The following BMPER variants were observed in gnomAD, a reference collection of about 807,000 sequenced individuals.
The protein encoded by BMPER is BMP-binding endothelial regulator protein.
A neutral mutation model predicts 87.3 loss-of-function variants in BMPER; 45 were observed. That is an observed-to-expected ratio of 0.52 (90% CI 0.41 to 0.66). The LOEUF is 0.66. BMPER is among the 30% of genes least tolerant of loss of function. The probability of loss-of-function intolerance (pLI) is 0.00; values close to 1 mark genes in which losing one functional copy is unlikely to be tolerated. For missense variants in BMPER, 784 were observed against 867.5 expected (o/e 0.90, Z 1.21); for synonymous variants, 326 against 316.2 (o/e 1.03, Z -0.33).
In BMPER at chr7:34,077,005, G is replaced by T. The variant is rs920112240; in HGVS notation, c.1079-1852G>T. On this transcript the variant is annotated intron_variant, in intron 11 of 14. Coordinates refer to ENST00000649409, the MANE Select transcript of BMPER (RefSeq NM_001365308.1). ...CTGGAAAAGTCCTTCTCTTCAACTG[G>T]GTGCATCTGGTCATCAGGTTACTAT... Among the ~76,000 whole-genome samples, 28 of 152,090 alleles carry T rather than the reference G, an allele frequency of 1.8e-4. 1 individual carries two copies. The highest frequency in any genetic ancestry group is 6.8e-4 in the African/African-American group (28 of 41,424).
intron 13 of BMPER, among the ~76,000 whole-genome samples, chr7:34,113,752 T>C (rs2127987007): frequency 6.6e-6 from 1 of 152,274 alleles, no homozygotes; most frequent in South Asian, 2.1e-4. Flanking sequence ...CCCATAGTTA[T>C]CAAAGTGGTA....
chr7:34,129,928 C>T (rs1023392965), intron 13 of BMPER, among the ~76,000 whole-genome samples: 3 of 152,174 alleles, frequency 2.0e-5, no homozygotes, highest in Non-Finnish European at 4.4e-5. Context: ...CTAGAGGTTA[C>T]CTCTCCCTAT....
intron 3 of BMPER, among the ~76,000 whole-genome samples, chr7:33,946,665 G>A (rs1334540796): frequency 6.6e-6 from 1 of 152,164 alleles, no homozygotes; most frequent in East Asian, 1.9e-4. Context: ...GAGGAGTAGA[G>A]GGGTCACACA....
At position 34,110,281 on chromosome 7, in the gene BMPER, CT is replaced by C. The variant is rs1789925512; in HGVS notation, c.1745+24191del. On this transcript the variant is annotated intron_variant, in intron 13 of 14. Coordinates refer to ENST00000649409, the MANE Select transcript of BMPER (RefSeq NM_001365308.1). ...ATCCCAAGCCAGCATGTTCCAACAACTTCCCTGCAGTCTGCTCCTTCCCCAC... is the reference window on the plus strand; with the variant it reads ...ATCCCAAGCCAGCATGTTCCAACAACTCCCTGCAGTCTGCTCCTTCCCCAC... Among the ~76,000 whole-genome samples the C allele has an allele frequency of 2.0e-5, 3 of 152,328 alleles. 1 individual carries two copies. Among genetic ancestry groups the C allele is most frequent in the Admixed American group, 2.0e-4 (3 of 15,306 alleles).
intron 6 of BMPER, among the ~76,000 whole-genome samples, chr7:33,983,289 G>T (rs1037893094): frequency 1.2e-4 from 18 of 151,958 alleles, no homozygotes; most frequent in African/African-American, 3.9e-4. Flanking sequence ...TATATAATTT[G>T]TTTGTAGCTG....
intron 10 of BMPER, among the ~76,000 whole-genome samples, chr7:34,059,132 A>C (rs1445123931): frequency 6.6e-6 from 1 of 152,224 alleles, no homozygotes; most frequent in African/African-American, 2.4e-5. Context: ...AGACTTGAAC[A>C]TGGTCTGCTT....
chr7:34,039,270 A>G (rs2127954785), intron 6 of BMPER, among the ~76,000 whole-genome samples: 1 of 152,338 alleles, frequency 6.6e-6, no homozygotes, highest in South Asian at 2.1e-4. Flanking sequence ...GGCAAAGCAC[A>G]GTGCCTTGGA....
chr7:34,040,096 A>T (rs1242591038), intron 6 of BMPER, among the ~76,000 whole-genome samples: 1 of 151,918 alleles, frequency 6.6e-6, no homozygotes, highest in Non-Finnish European at 1.5e-5. Flanking sequence ...GGCTATGTGG[A>T]GCTGAAATTC....
At chr7:34,142,938 A>G (rs991636111) in intron 13 of BMPER, among the ~76,000 whole-genome samples, 2 of 152,238 alleles carry the variant, frequency 1.3e-5, no homozygotes, top group African/African-American at 2.4e-5. Context: ...CTCAGTAGCC[A>G]AATATGGAGA....
At chr7:33,921,898 C>CG (rs1259356974) in intron 2 of BMPER, 1 of 465,964 alleles carries the variant, frequency 2.1e-6, no homozygotes, top group Non-Finnish European at 4.5e-6. Flanking sequence ...CCAGGTGAAG[C>CG]GGGATCCAGC....
chr7:33,943,422 C>T (rs1784812978), intron 3 of BMPER, among the ~76,000 whole-genome samples: 1 of 152,138 alleles, frequency 6.6e-6, no homozygotes, highest in Non-Finnish European at 1.5e-5. Flanking sequence ...TGTATGGATT[C>T]CATAGTATAG....
At position 33,936,481 on chromosome 7, in the gene BMPER, G is replaced by C. The variant is rs557341360; in HGVS notation, c.220-808G>C. 1.1e-4 allele frequency among the ~76,000 whole-genome samples: 17 copies of C among 152,312 alleles called. No homozygotes were observed. In the South Asian group the frequency reaches 3.5e-3, roughly 32 times the overall value. ...TACTGACCACACAGAATTTTAGTGA[G>C]AATGAAAGCCACATCAGCTAGCATG... On this transcript the variant is annotated intron_variant, in intron 2 of 14. Transcript: ENST00000649409.
At chr7:34,093,598 A>T (rs772337702) in intron 13 of BMPER, among the ~76,000 whole-genome samples, 1 of 152,168 alleles carries the variant, frequency 6.6e-6, no homozygotes, top group Non-Finnish European at 1.5e-5. Flanking sequence ...GGGCAAGGTT[A>T]ATTCTTTACT....
Position 34,059,169 on chromosome 7 carries a change from T to C in BMPER, c.1032+1006T>C, listed in dbSNP as rs150291504. ...TAAATATTCATTGGGAAAAATGGGATCACATCATTATGCCAGTCCTCCGGG... is the reference window on the plus strand; with the variant it reads ...TAAATATTCATTGGGAAAAATGGGACCACATCATTATGCCAGTCCTCCGGG... On this transcript the variant is annotated intron_variant, in intron 10 of 14. Transcript: ENST00000649409. 6.7e-3 allele frequency among the ~76,000 whole-genome samples: 1,025 copies of C among 152,274 alleles called. 11 individuals carry two copies. The highest frequency in any genetic ancestry group is 0.024 in the African/African-American group (988 of 41,552).
At chr7:34,020,642 A>T (rs917313456) in intron 6 of BMPER, among the ~76,000 whole-genome samples, 5 of 151,966 alleles carry the variant, frequency 3.3e-5, no homozygotes, top group Admixed American at 6.6e-5. Context: ...AATAAAACAT[A>T]GGAGTAAAAG....
chr7:34,083,903 C>T (rs1488676989), intron 12 of BMPER, among the ~76,000 whole-genome samples: 5 of 147,516 alleles, frequency 3.4e-5, no homozygotes, highest in African/African-American at 1.0e-4. Context: ...CTTTCAGGAA[C>T]AAAAAGCCTT....
chr7:33,907,040 A>G, intron 2 of BMPER, 137 bp downstream of exon 2: 1 of 824,560 alleles, frequency 1.2e-6, no homozygotes, highest in Non-Finnish European at 2.0e-6. Flanking sequence ...ATAGTTTGTG[A>G]GTTGAATCCA....
chr7:34,108,175 A>G (rs550453317), intron 13 of BMPER, among the ~76,000 whole-genome samples: 7 of 152,314 alleles, frequency 4.6e-5, no homozygotes, highest in African/African-American at 1.7e-4. Flanking sequence ...CCAATTATTA[A>G]CGGTGCTATT....
At chr7:34,112,227 G>C (rs1252759323) in intron 13 of BMPER, among the ~76,000 whole-genome samples, 1 of 151,996 alleles carries the variant, frequency 6.6e-6, no homozygotes, top group Non-Finnish European at 1.5e-5. Flanking sequence ...AGGCGCGGTG[G>C]CTCACACCTG....
Sources: gnomAD v4.1 joint callset for allele counts (sites outside exome capture counted in the v4.1 genomes callset) on GRCh38, gnomAD v4.1.1 for gene constraint, MANE v1.5 for transcripts, NCBI Gene and HGNC (gene_info 2026-07-23, HGNC 2026-07-21) for gene names.